MAGI2: variants seen among roughly 807,000 people sequenced by gnomAD.
MAGI2 encodes membrane associated guanylate kinase, WW and PDZ domain containing 2.
Under a neutral mutation model 133.3 loss-of-function variants are expected in MAGI2, and 35 were observed. The observed-to-expected ratio is 0.26, with a 90% confidence interval of 0.20 to 0.35. The LOEUF (loss-of-function observed/expected upper bound fraction) is 0.35. MAGI2 is among the 10% of genes least tolerant of loss of function. MAGI2 has a pLI of 1.00. For missense variants in MAGI2, 1,636 were observed against 1,863.4 expected (o/e 0.88, Z 2.25); for synonymous variants, 729 against 710.6 (o/e 1.03, Z -0.41).
chr7:78,518,141 A>C (rs1796194312), intron 4 of MAGI2: 1 of 152,172 alleles, frequency 6.6e-6, no homozygotes, highest in Non-Finnish European at 1.5e-5. Context: ...GAATTTTAAA[A>C]ACTAGGAATT....
chr7:78,709,184 A>T (rs976181385), intron 2 of MAGI2, among the ~76,000 whole-genome samples: 2 of 152,122 alleles, frequency 1.3e-5, no homozygotes, highest in Non-Finnish European at 2.9e-5. Context: ...TAACTATGTC[A>T]TACAAAGCCT....
intron 16 of MAGI2, among the ~76,000 whole-genome samples, chr7:78,141,455 T>C (rs778582032): frequency 3.3e-5 from 5 of 152,188 alleles, no homozygotes; most frequent in Non-Finnish European, 5.9e-5. Flanking sequence ...AAGGTGTCCT[T>C]CAAAAGAGTT....
intron 2 of MAGI2, among the ~76,000 whole-genome samples, chr7:78,687,583 A>T (rs1013898088): frequency 1.3e-5 from 2 of 152,142 alleles, no homozygotes; most frequent in African/African-American, 4.8e-5. Flanking sequence ...TGTCCAATAA[A>T]TGTATGTTGA....
intron 10 of MAGI2, among the ~76,000 whole-genome samples, chr7:78,210,951 T>C (rs1469344935): frequency 6.6e-6 from 1 of 152,044 alleles, no homozygotes; most frequent in African/African-American, 2.4e-5. Context: ...GAGAAATGGT[T>C]ATGGGGTTGA....
At chr7:78,825,744 T>C (rs1790569948) in intron 2 of MAGI2, among the ~76,000 whole-genome samples, 1 of 152,184 alleles carries the variant, frequency 6.6e-6, no homozygotes, top group South Asian at 2.1e-4. Flanking sequence ...ATAATGCATG[T>C]AAGCCTGTCA....
intron 1 of MAGI2, among the ~76,000 whole-genome samples, chr7:79,136,073 GAAAGAAAGAAA>G (rs1821492051): frequency 2.7e-5 from 1 of 37,248 alleles, no homozygotes; most frequent in African/African-American, 1.0e-4. Context: ...AAGAAGGAAA[GAAAGAAAGAAA>G]GAAAGAAAGA....
intron 2 of MAGI2, among the ~76,000 whole-genome samples, chr7:78,860,384 C>T (rs564125315): frequency 5.9e-5 from 9 of 152,154 alleles, no homozygotes; most frequent in African/African-American, 2.2e-4. Context: ...TTTTATCTAC[C>T]TTTGGTCTTT....
At chr7:78,489,608 C>T (rs1170572491) in intron 6 of MAGI2, among the ~76,000 whole-genome samples, 153 bp downstream of exon 6, 2 of 152,016 alleles carry the variant, frequency 1.3e-5, no homozygotes, top group South Asian at 2.1e-4. Context: ...GCTGAAATGC[C>T]GAGTTAATTC....
At chr7:78,270,930 C>T (rs11773746) in intron 9 of MAGI2, among the ~76,000 whole-genome samples, 28,390 of 152,116 alleles carry the variant, frequency 0.19, 3,166 homozygotes, top group South Asian at 0.31. Context: ...TTGACTTCCT[C>T]TTTTCCTAAT....
intron 1 of MAGI2, among the ~76,000 whole-genome samples, chr7:79,236,506 A>G (rs1831934797): frequency 1.3e-5 from 2 of 152,254 alleles, no homozygotes; most frequent in Admixed American, 1.3e-4. Flanking sequence ...CATAAGCAGC[A>G]CAAAGCAGCA....
chr7:78,594,261 G>A (rs1313895853), intron 3 of MAGI2, among the ~76,000 whole-genome samples: 1 of 152,068 alleles, frequency 6.6e-6, no homozygotes, highest in African/African-American at 2.4e-5. Context: ...CCTATTCTCT[G>A]CTACTGTGGA....
At chr7:78,551,367 T>G (rs1422470495) in intron 3 of MAGI2, among the ~76,000 whole-genome samples, 1 of 152,224 alleles carries the variant, frequency 6.6e-6, no homozygotes, top group African/African-American at 2.4e-5. Flanking sequence ...ATTTTTGCAC[T>G]CACATTATAG....
rs773093689 is a variant in MAGI2 at position 78,343,773 on chromosome 7, C to G, written c.1408+5G>C. On this transcript the variant is annotated splice_donor_5th_base_variant and intron_variant, in intron 9 of 21. Coordinates refer to ENST00000354212, the MANE Select transcript of MAGI2 (RefSeq NM_012301.4). ...AACAATTTTCTAAACCATGAAGGACCTTACCTGTTTCCATTTTTCCATCCT... is the reference window on the plus strand; with the variant it reads ...AACAATTTTCTAAACCATGAAGGACGTTACCTGTTTCCATTTTTCCATCCT... 6.5e-7 allele frequency: 1 copy of G among 1,542,034 alleles called. No individual in the cohort carries two copies. The highest frequency in any genetic ancestry group is 2.2e-5 in the Admixed American group (1 of 46,396).
At chr7:79,054,102 G>T (rs891156413) in intron 1 of MAGI2, among the ~76,000 whole-genome samples, 2 of 152,006 alleles carry the variant, frequency 1.3e-5, no homozygotes, top group Non-Finnish European at 2.9e-5. Context: ...AGGCTGAGGA[G>T]GGAGAATCGC....
At chr7:79,418,778 C>T (rs1846719629) in intron 1 of MAGI2, among the ~76,000 whole-genome samples, 2 of 150,748 alleles carry the variant, frequency 1.3e-5, no homozygotes, top group African/African-American at 4.9e-5. Flanking sequence ...AGACACTTAC[C>T]TCTAGGTTTA....
chr7:78,222,666 G>T (rs1584456189), intron 10 of MAGI2, among the ~76,000 whole-genome samples: 1 of 152,108 alleles, frequency 6.6e-6, no homozygotes, highest in Admixed American at 6.5e-5. Flanking sequence ...ATCTATGAAG[G>T]CCCCATCTCT....
At chr7:78,382,130 T>A (rs1219852465) in intron 6 of MAGI2, among the ~76,000 whole-genome samples, 2 of 152,144 alleles carry the variant, frequency 1.3e-5, no homozygotes, top group Non-Finnish European at 2.9e-5. Context: ...GAAGAAAGTC[T>A]CTATGATCTG....
At chr7:78,531,599 T>A (rs996975241) in intron 3 of MAGI2, among the ~76,000 whole-genome samples, 1 of 152,164 alleles carries the variant, frequency 6.6e-6, no homozygotes, top group African/African-American at 2.4e-5. Context: ...GAAAGTGAAA[T>A]TTTGACAAAT....
intron 1 of MAGI2, among the ~76,000 whole-genome samples, chr7:79,138,515 C>T (rs1821803613): frequency 6.6e-6 from 1 of 152,160 alleles, no homozygotes; most frequent in Non-Finnish European, 1.5e-5. Flanking sequence ...GCCCTCCTTC[C>T]ATATTCAAAT....
Sources: gnomAD v4.1 joint callset for allele counts (sites outside exome capture counted in the v4.1 genomes callset) on GRCh38, gnomAD v4.1.1 for gene constraint, MANE v1.5 for transcripts, NCBI Gene and HGNC (gene_info 2026-07-23, HGNC 2026-07-21) for gene names.